SAMMSON: variants seen among roughly 807,000 people sequenced by gnomAD.
SAMMSON encodes the protein long intergenic non-protein coding RNA 1212.
At chr3:70,125,038 G>A in intron 4 of SAMMSON, 1 of 745,546 alleles carries the variant, frequency 1.3e-6, no homozygotes, top group Non-Finnish European at 2.4e-6. Context: ...GAAAGATACA[G>A]GATTCAAAAG....
intron 9 of SAMMSON, among the ~76,000 whole-genome samples, chr3:70,383,266 A>G (rs1026507458): frequency 1.3e-5 from 2 of 151,868 alleles, no homozygotes; most frequent in South Asian, 2.1e-4. Flanking sequence ...GGGCTAGTAT[A>G]CATTTGTTAC....
intron 3 of SAMMSON, among the ~76,000 whole-genome samples, chr3:70,062,537 A>T (rs1019385287): frequency 1.2e-4 from 19 of 152,130 alleles, no homozygotes; most frequent in African/African-American, 4.1e-4. Flanking sequence ...GATGCTCAGT[A>T]CATATTTGTC....
chr3:70,023,586 G>T (rs1305392321), intron 3 of SAMMSON, among the ~76,000 whole-genome samples: 3 of 151,930 alleles, frequency 2.0e-5, no homozygotes, highest in Non-Finnish European at 4.4e-5. Flanking sequence ...ATTAACATCT[G>T]GGAGGCAGTG....
At chr3:70,045,829 C>T (rs1445625936) in intron 3 of SAMMSON, among the ~76,000 whole-genome samples, 1 of 152,038 alleles carries the variant, frequency 6.6e-6, no homozygotes, top group Non-Finnish European at 1.5e-5. Flanking sequence ...GCTTTATTAG[C>T]TCTTCTTTAA....
intron 3 of SAMMSON, among the ~76,000 whole-genome samples, chr3:70,065,617 G>T (rs1029672097): frequency 2.0e-5 from 3 of 152,050 alleles, no homozygotes; most frequent in African/African-American, 7.2e-5. Flanking sequence ...TCCCTGGGGG[G>T]CTGTTGTCCT....
At chr3:70,385,271 T>C (rs1703111355) in intron 9 of SAMMSON, among the ~76,000 whole-genome samples, 1 of 152,106 alleles carries the variant, frequency 6.6e-6, no homozygotes, top group African/African-American at 2.4e-5. Flanking sequence ...TTATGATAAC[T>C]AACAGTAGGT....
intron 9 of SAMMSON, among the ~76,000 whole-genome samples, chr3:70,364,984 A>T (rs537823949): frequency 5.3e-5 from 8 of 150,440 alleles, no homozygotes; most frequent in Middle Eastern, 3.4e-3. Context: ...TTGTCACATT[A>T]TTTTTTTTTC....
At chr3:70,187,320 AT>A (rs1175405787) in intron 4 of SAMMSON, among the ~76,000 whole-genome samples, 1 of 147,696 alleles carries the variant, frequency 6.8e-6, no homozygotes, top group Non-Finnish European at 1.5e-5. Context: ...TACAAACCCT[AT>A]TTATCCAGGG....
rs908526211 is a variant in SAMMSON at position 70,419,929 on chromosome 3, C to T, written n.234-42631C>T. Among the ~76,000 whole-genome samples, 33 of 152,318 alleles carry T rather than the reference C, an allele frequency of 2.2e-4. 1 individual carries two copies. Among genetic ancestry groups the T allele is most frequent in the African/African-American group, 7.2e-4 (30 of 41,580 alleles). On this transcript the variant is annotated intron_variant and non_coding_transcript_variant, in intron 2 of 3. Transcript: ENST00000641053. ...CTGGGATTACAGGCATGAGCCACCA[C>T]GCCCAGCAAAATAGTTTTATACATA...
chr3:70,119,677 GA>G (rs2067424994), intron 4 of SAMMSON, among the ~76,000 whole-genome samples: 1 of 151,956 alleles, frequency 6.6e-6, no homozygotes, highest in African/African-American at 2.4e-5. Flanking sequence ...GTTATATCAA[GA>G]AAAATGTTTA....
At chr3:70,381,050 T>A (rs1278579543) in intron 9 of SAMMSON, among the ~76,000 whole-genome samples, 1 of 152,196 alleles carries the variant, frequency 6.6e-6, no homozygotes, top group Non-Finnish European at 1.5e-5. Flanking sequence ...CTCCTTTGGG[T>A]ATATACCCAG....
At chr3:70,016,507 T>A (rs371370783) in intron 3 of SAMMSON, among the ~76,000 whole-genome samples, 8 of 152,098 alleles carry the variant, frequency 5.3e-5, no homozygotes, top group African/African-American at 1.9e-4. Context: ...GATGAGTAGA[T>A]TGCAAAAATT....
intron 2 of SAMMSON, among the ~76,000 whole-genome samples, chr3:70,409,997 G>C (rs1701205638): frequency 6.7e-6 from 1 of 149,388 alleles, no homozygotes; most frequent in South Asian, 2.2e-4. Flanking sequence ...TTCCACTTTA[G>C]TAGTCCCCAG....
intron 3 of SAMMSON, among the ~76,000 whole-genome samples, chr3:70,031,372 C>T (rs145622765): frequency 1.3e-5 from 2 of 151,906 alleles, no homozygotes; most frequent in East Asian, 1.9e-4. Flanking sequence ...ATAGAGATTA[C>T]CAGGGTTTGG....
intron 4 of SAMMSON, among the ~76,000 whole-genome samples, chr3:70,213,091 G>A (rs1176608642): frequency 1.3e-5 from 2 of 152,114 alleles, no homozygotes; most frequent in East Asian, 1.9e-4. Flanking sequence ...TTACAGGCAT[G>A]AGCCACCATG....
At chr3:70,071,255 CCTTT>C (rs1488963217) in intron 3 of SAMMSON, among the ~76,000 whole-genome samples, 1 of 151,954 alleles carries the variant, frequency 6.6e-6, no homozygotes, top group Non-Finnish European at 1.5e-5. Context: ...GTTTCTGTCT[CCTTT>C]CTTTACAAAA....
At chr3:70,297,929 T>A (rs1702305059) in intron 7 of SAMMSON, among the ~76,000 whole-genome samples, 1 of 152,148 alleles carries the variant, frequency 6.6e-6, no homozygotes, top group Non-Finnish European at 1.5e-5. Context: ...GTTTAAAGCT[T>A]TTAGAGAGTG....
Position 70,022,565 on chromosome 3 carries a change from T to A in SAMMSON, n.417+8893T>A, listed in dbSNP as rs1450353435. Among the ~76,000 whole-genome samples, 6 of 152,366 alleles carry A rather than the reference T, an allele frequency of 3.9e-5. No homozygotes were observed. The East Asian group carries it at 1.2e-3, about 29-fold the overall frequency. On this transcript the variant is annotated intron_variant and non_coding_transcript_variant, in intron 3 of 9. Transcript: ENST00000642114. The stretch of plus-strand genomic sequence containing the variant: ...TTGGGAACATTTATGGAACTAATTT[T>A]ATTTCGTATTGCAAAATCTATGTAG...
chr3:70,375,260 C>T (rs895841053), intron 9 of SAMMSON, among the ~76,000 whole-genome samples: 1 of 152,028 alleles, frequency 6.6e-6, no homozygotes, highest in African/African-American at 2.4e-5. Context: ...GTATAATGTT[C>T]TTGCATTTCC....
Sources: gnomAD v4.1 joint callset for allele counts (sites outside exome capture counted in the v4.1 genomes callset) on GRCh38, gnomAD v4.1.1 for gene constraint, MANE v1.5 for transcripts, NCBI Gene and HGNC (gene_info 2026-07-23, HGNC 2026-07-21) for gene names.